The following OR1M1 variants were observed in gnomAD, a reference collection of about 807,000 sequenced individuals.
The protein encoded by OR1M1 is olfactory receptor 1M1.
For missense variants in OR1M1, 397 were observed against 401.8 expected, an observed-to-expected ratio of 0.99 and a Z score of 0.10; for synonymous variants, 157 against 165.5, an observed-to-expected ratio of 0.95 and a Z score of 0.39.
At position 9,094,130 on chromosome 19, in the gene OR1M1, G is replaced by C. The variant is rs1317556704; in HGVS notation, c.886G>C (p.Asp296His). Reference sequence around the variant, plus strand: ...CTTCATCTACAGCTTGAGGAACAGAGACCTGAAAGGGGCTCTCAGGAAGCT... The same window carrying C: ...CTTCATCTACAGCTTGAGGAACAGACACCTGAAAGGGGCTCTCAGGAAGCT... ...NPFIYSLRNR[D>H]LKGALRKLVN... The change falls in exon 2 of 2, where the codon GAC (aspartate) becomes CAC (histidine). Residue 296 changes from aspartate to histidine, a missense_variant. Coordinates refer to ENST00000641627, the MANE Select transcript of OR1M1 (RefSeq NM_001004456.2). 1 of 1,613,290 alleles carries C rather than the reference G, an allele frequency of 6.2e-7. No individual in the cohort carries two copies. The highest frequency in any genetic ancestry group is 1.1e-5 in the South Asian group (1 of 91,064).
rs765292071 is a variant in OR1M1 at position 9,094,011 on chromosome 19, T to C, written c.767T>C (p.Ile256Thr). 2.3e-5 allele frequency: 37 copies of C among 1,613,994 alleles called. No individual in the cohort carries two copies. The highest frequency in any genetic ancestry group is 3.3e-4 in the Middle Eastern group (2 of 6,082). The change falls in exon 2 of 2, where the codon ATT becomes ACT. Residue 256 changes from isoleucine (I) to threonine (T), a missense_variant. Physicochemically the swap from Ile to Thr is moderately conservative, Grantham distance 89 (BLOSUM62 -1). Coordinates refer to ENST00000641627, the MANE Select transcript of OR1M1 (RefSeq NM_001004456.2). ...SVVALFYGTT[I>T]GVYLCPSSVL... ...GTTGCTCTCTTCTATGGGACCACCA[T>C]TGGCGTCTATCTGTGTCCCTCCTCG...
chr19:9,090,103 G>A (rs1295556829), intron 1 of OR1M1, among the ~76,000 whole-genome samples: 1 of 152,100 alleles, frequency 6.6e-6, no homozygotes, highest in Non-Finnish European at 1.5e-5. Context: ...TCAGTGCCTG[G>A]CAATACAGGA....
At position 9,093,898 on chromosome 19, in the gene OR1M1, T is replaced by C. The variant is rs757721062; in HGVS notation, c.654T>C (p.Tyr218=). 1 of 1,614,186 alleles carries C rather than the reference T, an allele frequency of 6.2e-7. No homozygotes were observed. The highest frequency in any genetic ancestry group is 2.2e-5 in the East Asian group (1 of 44,874). ...CCTTTGTCTGCATCCTGGCCTCCTA[T>C]GCTCGCATCCTTGTGGCCATCATGA... ...ATPFVCILAS[Y]ARILVAIMKV... The change falls in exon 2 of 2, where the codon TAT becomes TAC. Residue 218 remains tyrosine, a synonymous_variant. Coordinates refer to ENST00000641627, the MANE Select transcript of OR1M1 (RefSeq NM_001004456.2).
At chr19:9,092,806 C>T (rs1341459962) in intron 1 of OR1M1, among the ~76,000 whole-genome samples, 2 of 151,588 alleles carry the variant, frequency 1.3e-5, no homozygotes, top group Non-Finnish European at 2.9e-5. Flanking sequence ...GAGGCTGAGG[C>T]AGGAGAATCA....
Position 9,094,065 on chromosome 19 carries a change from C to T in OR1M1, c.821C>T (p.Ser274Phe), listed in dbSNP as rs148444051. 5.8e-5 allele frequency: 93 copies of T among 1,613,902 alleles called. No individual in the cohort carries two copies. The Middle Eastern group carries it at 6.6e-4, about 11-fold the overall frequency. ...SVLTTVKEKA[S>F]AVMYTAVTPM... Reference sequence around the variant, plus strand: ...CTCACCACTGTGAAGGAGAAAGCTTCTGCGGTGATGTACACAGCAGTCACC... The same window carrying T: ...CTCACCACTGTGAAGGAGAAAGCTTTTGCGGTGATGTACACAGCAGTCACC... The change falls in exon 2 of 2, where the codon TCT becomes TTT. Residue 274 changes from serine to phenylalanine, a missense_variant. By Grantham distance (155) the Ser-to-Phe change is radical. Coordinates refer to ENST00000641627, the MANE Select transcript of OR1M1 (RefSeq NM_001004456.2).
At chr19:9,091,525 G>T (rs1045524751) in intron 1 of OR1M1, among the ~76,000 whole-genome samples, 1 of 152,092 alleles carries the variant, frequency 6.6e-6, no homozygotes, top group Admixed American at 6.6e-5. Context: ...TGGGCATGGT[G>T]GCGTGCTCCT....
At chr19:9,090,867 A>G (rs2050288358) in intron 1 of OR1M1, among the ~76,000 whole-genome samples, 1 of 151,858 alleles carries the variant, frequency 6.6e-6, no homozygotes, top group South Asian at 2.1e-4. Flanking sequence ...GGAAATGACT[A>G]TAAAAATAAA....
intron 1 of OR1M1, among the ~76,000 whole-genome samples, chr19:9,091,688 G>A (rs1310820885): frequency 6.6e-6 from 1 of 151,724 alleles, no homozygotes; most frequent in East Asian, 1.9e-4. Context: ...AAGGAAGGAA[G>A]TTCGACTTGT....
intron 1 of OR1M1, among the ~76,000 whole-genome samples, chr19:9,092,072 CTTTTTTTTTTTTT>C (rs35789114): frequency 2.5e-5 from 1 of 39,770 alleles, no homozygotes; most frequent in East Asian, 1.0e-3. Context: ...TCATGCCTGG[CTTTTTTTTTTTTT>C]TTTTTTTTTT....
At chr19:9,092,457 A>C (rs1396735078) in intron 1 of OR1M1, among the ~76,000 whole-genome samples, 2 of 152,116 alleles carry the variant, frequency 1.3e-5, no homozygotes, top group South Asian at 2.1e-4. Context: ...TAAATAAGCC[A>C]GGCTTACTTA....
chr19:9,093,791 C>T lies in OR1M1; in HGVS notation c.547C>T (p.Pro183Ser), dbSNP rs1275667816. The T allele has an allele frequency of 6.2e-7, 1 of 1,614,000 alleles. No homozygotes were observed. Residue 183 changes from proline to serine, a missense_variant, in exon 2 of 2, where the codon CCC becomes TCC. By Grantham distance (74) the Pro-to-Ser change is moderately conservative. Coordinates refer to ENST00000641627, the MANE Select transcript of OR1M1 (RefSeq NM_001004456.2). ...EVPHYFCDLT[P>S]ILRLSCTDTS... ...GCCTCACTACTTCTGCGACCTCACT[C>T]CCATCCTCCGACTTTCGTGCACGGA...
At chr19:9,090,981 A>T (rs1362172337) in intron 1 of OR1M1, among the ~76,000 whole-genome samples, 1 of 151,768 alleles carries the variant, frequency 6.6e-6, no homozygotes, top group Non-Finnish European at 1.5e-5. Context: ...CCTGGCTAAC[A>T]TGGTGAAACC....
chr19:9,093,069 A>C (rs1204834708), intron 1 of OR1M1, 163 bp from the exon 2 acceptor site: 3 of 448,494 alleles, frequency 6.7e-6, no homozygotes, highest in African/African-American at 2.3e-5. Flanking sequence ...ACACATATAT[A>C]TTCTATATAT....
rs1198605714 is a variant in OR1M1, at chr19:9,095,501, C to G, written c.*1315C>G. The G allele has an allele frequency of 3.3e-5, 5 of 151,644 alleles. No homozygotes were observed. The highest frequency in any genetic ancestry group is 7.3e-5 in the Non-Finnish European group (5 of 68,062). 9.4% of individuals were successfully genotyped at this position (151,644 alleles called of 1,614,324 possible). On this transcript the variant is annotated 3_prime_UTR_variant, in exon 2 of 2. Transcript: ENST00000641627. ...TCCTGGGCTCAAGCAGTCCTCCCAC[C>G]TCAGCCTCCCAAGTAGTTGGGACCA...
intron 1 of OR1M1, among the ~76,000 whole-genome samples, chr19:9,088,585 T>A (rs1006395253): frequency 6.6e-6 from 1 of 152,178 alleles, no homozygotes; most frequent in South Asian, 2.1e-4. Context: ...TTCCTTGAGA[T>A]GGAAAAATAC....
chr19:9,092,496 G>A (rs1237087302), intron 1 of OR1M1, among the ~76,000 whole-genome samples: 1 of 152,124 alleles, frequency 6.6e-6, no homozygotes, highest in African/African-American at 2.4e-5. Flanking sequence ...CCCGCTACTA[G>A]AGAGGCTGTG....
chr19:9,089,563 A>G (rs1243915416), intron 1 of OR1M1, among the ~76,000 whole-genome samples: 1 of 151,860 alleles, frequency 6.6e-6, no homozygotes, highest in African/African-American at 2.4e-5. Context: ...AGCCAGGATT[A>G]CAGGGGCCCA....
chr19:9,094,051 G>C lies in OR1M1; in HGVS notation c.807G>C (p.Val269=). The C allele has an allele frequency of 6.2e-7, 1 of 1,614,070 alleles. No homozygotes were observed. The highest frequency in any genetic ancestry group is 8.5e-7 in the Non-Finnish European group (1 of 1,180,022). The change falls in exon 2 of 2, where the codon GTG becomes GTC. Residue 269 remains valine, a synonymous_variant. Coordinates refer to ENST00000641627, the MANE Select transcript of OR1M1 (RefSeq NM_001004456.2). ...YLCPSSVLTT[V]KEKASAVMYT... Reference sequence around the variant, plus strand: ...GTCCCTCCTCGGTCCTCACCACTGTGAAGGAGAAAGCTTCTGCGGTGATGT... The same window carrying C: ...GTCCCTCCTCGGTCCTCACCACTGTCAAGGAGAAAGCTTCTGCGGTGATGT...
At chr19:9,089,069 C>T (rs1047698689) in intron 1 of OR1M1, among the ~76,000 whole-genome samples, 3 of 152,126 alleles carry the variant, frequency 2.0e-5, no homozygotes, top group Admixed American at 2.0e-4. Context: ...CTCCTTCTAG[C>T]TGTTTAGCTA....
Sources: gnomAD v4.1 joint callset for allele counts (sites outside exome capture counted in the v4.1 genomes callset) on GRCh38, gnomAD v4.1.1 for gene constraint, MANE v1.5 for transcripts, NCBI Gene and HGNC (gene_info 2026-07-23, HGNC 2026-07-21) for gene names.